TMEM79: variants seen among roughly 807,000 people sequenced by gnomAD.
TMEM79 encodes the protein mattrin.
TMEM79 carries 30 observed loss-of-function variants against 31.2 expected under a neutral mutation model. That is an observed-to-expected ratio of 0.96 (90% CI 0.72 to 1.30). TMEM79 has a LOEUF of 1.30. Among genes scored for constraint, TMEM79 ranks in the 50% most tolerant of loss-of-function variants. The probability of loss-of-function intolerance (pLI) is 0.00; values close to 1 mark genes in which losing one functional copy is unlikely to be tolerated. For missense variants in TMEM79, 509 were observed against 528.2 expected, an observed-to-expected ratio of 0.96 and a Z score of 0.36; for synonymous variants, 213 against 229.5, an observed-to-expected ratio of 0.93 and a Z score of 0.65.
rs147509014 is a variant in TMEM79, at chr1:156,285,606, G to A, written c.380G>A (p.Arg127His). 1.2e-5 allele frequency: 20 copies of A among 1,614,102 alleles called. No homozygotes were observed. The highest frequency in any genetic ancestry group is 3.3e-5 in the Admixed American group (2 of 60,006). ...AACCTGCTGCCTGAGAAAGCGGCCC[G>A]TGCCTTCGTGCCTATTGACCTACAG... ...DANLLPEKAA[R>H]AFVPIDLQCI... Residue 127 changes from arginine (R) to histidine (H), a missense_variant, in exon 2 of 4, where the codon CGT (arginine) becomes CAT (histidine). Transcript: ENST00000405535.
In TMEM79 at chr1:156,286,423, G is replaced by A. The variant is rs762765250; in HGVS notation, c.921G>A (p.Gln307=). ...CCGTGCTTTCCACTTACCTGCCCCA[G>A]GATACCCTCAAACTGCTCCCTCTGC... ...NLAVLSTYLP[Q]DTLKLLPLLT... is the part of the protein sequence containing the mutation. The change falls in exon 3 of 4, where the codon CAG becomes CAA. Residue 307 remains glutamine (Q), a synonymous_variant. Transcript: ENST00000405535. 3 of 1,614,212 alleles carry A rather than the reference G, an allele frequency of 1.9e-6. No individual in the cohort carries two copies. The highest frequency in any genetic ancestry group is 2.5e-6 in the Non-Finnish European group (3 of 1,180,042).
chr1:156,287,606 C>CTTTTTTTTT (rs745468403), intron 3 of TMEM79, among the ~76,000 whole-genome samples: 1 of 72,640 alleles, frequency 1.4e-5, no homozygotes, highest in Non-Finnish European at 2.6e-5. Flanking sequence ...TTACTCTCCA[C>CTTTTTTTTT]TTTTTTTTTT....
intron 2 of TMEM79, 52 bp downstream of exon 2, chr1:156,286,035 G>A: frequency 6.4e-7 from 1 of 1,561,304 alleles, no homozygotes; most frequent in Non-Finnish European, 8.7e-7. Flanking sequence ...GAGGAGGGCA[G>A]GGCCTGGCTG....
intron 3 of TMEM79, among the ~76,000 whole-genome samples, 178 bp downstream of exon 3, chr1:156,286,651 G>A (rs1418951672): frequency 6.6e-6 from 1 of 152,140 alleles, no homozygotes; most frequent in African/African-American, 2.4e-5. Flanking sequence ...GTCAGCAGAT[G>A]GAAGCCGATT....
In TMEM79 at chr1:156,285,394, C is replaced by G; in HGVS notation, c.168C>G (p.Pro56=). The change falls in exon 2 of 4, where the codon CCC becomes CCG. Residue 56 remains proline (P), a synonymous_variant. Coordinates refer to ENST00000405535, the MANE Select transcript of TMEM79 (RefSeq NM_032323.3). ...SLRVGSSAGS[P]TAIEGAEDGL... ...GAGTGGGGTCTTCAGCTGGATCTCC[C>G]ACAGCCATAGAGGGGGCTGAGGATG... The G allele has an allele frequency of 2.5e-6, 4 of 1,592,644 alleles. No individual in the cohort carries two copies. The East Asian group carries it at 9.0e-5, about 36-fold the overall frequency.
In TMEM79 at chr1:156,285,459, G is replaced by A. The variant is rs1325209653; in HGVS notation, c.233G>A (p.Trp78Ter). The change falls in exon 2 of 4, where the codon TGG becomes TAG. Residue 78 changes from tryptophan (W) to a stop codon, truncating the protein, a stop_gained. Transcript: ENST00000405535. LOFTEE classifies it high-confidence loss of function. ...STVSEAATLPWGTGPQPSAPF... is the reference protein window; with the variant it reads ...STVSEAATLP Reference sequence around the variant, plus strand: ...GTAAGTGAGGCTGCCACCTTGCCCTGGGGGACTGGCCCTCAGCCCAGTGCT... The same window carrying A: ...GTAAGTGAGGCTGCCACCTTGCCCTAGGGGACTGGCCCTCAGCCCAGTGCT... 6.2e-7 allele frequency: 1 copy of A among 1,614,016 alleles called. No individual in the cohort carries two copies. The highest frequency in any genetic ancestry group is 2.2e-5 in the East Asian group (1 of 44,890).
Position 156,285,672 on chromosome 1 carries a change from G to T in TMEM79, c.446G>T (p.Cys149Phe), listed in dbSNP as rs1326661720. 2 of 1,613,768 alleles carry T rather than the reference G, an allele frequency of 1.2e-6. No homozygotes were observed. Among genetic ancestry groups the T allele is most frequent in the Non-Finnish European group, 1.7e-6 (2 of 1,179,994 alleles). Reference protein sequence around the residue: ...RQPQEDLIVRCEAGEGECRTF... With the variant: ...RQPQEDLIVRFEAGEGECRTF... ...CCCCAAGAAGACCTTATCGTGCGCT[G>T]TGAGGCAGGCGAGGGCGAGTGCCGA... The change falls in exon 2 of 4, where the codon TGT becomes TTT. Residue 149 changes from cysteine (C) to phenylalanine (F), a missense_variant. Physicochemically the swap from Cys to Phe is radical, Grantham distance 205. Transcript: ENST00000405535.
chr1:156,285,679 A>G lies in TMEM79; in HGVS notation c.453A>G (p.Ala151=), dbSNP rs140445561. The change falls in exon 2 of 4, where the codon GCA becomes GCG. Residue 151 remains alanine, a synonymous_variant. Coordinates refer to ENST00000405535, the MANE Select transcript of TMEM79 (RefSeq NM_032323.3). ...PQEDLIVRCE[A]GEGECRTFMP... ...AAGACCTTATCGTGCGCTGTGAGGC[A>G]GGCGAGGGCGAGTGCCGAACCTTCA... 2.1e-4 allele frequency: 335 copies of G among 1,613,786 alleles called. 2 individuals are homozygous for G. Among genetic ancestry groups the G allele is most frequent in the African/African-American group, 2.0e-3 (148 of 75,060 alleles).
At chr1:156,291,312 C>T in intron 3 of TMEM79, 73 bp from the exon 4 acceptor site, 1 of 1,412,564 alleles carries the variant, frequency 7.1e-7, no homozygotes, top group Non-Finnish European at 9.9e-7. Flanking sequence ...CTACTCCCCC[C>T]ACCGTCAGCC....
chr1:156,290,179 C>T (rs1487152786), intron 3 of TMEM79: 2 of 152,132 alleles, frequency 1.3e-5, no homozygotes, highest in Admixed American at 1.3e-4. Context: ...CAGAGACAGT[C>T]TATATAGTAT....
chr1:156,291,033 A>G, intron 3 of TMEM79: 2 of 250,704 alleles, frequency 8.0e-6, no homozygotes, highest in South Asian at 6.9e-5. Flanking sequence ...CCAGCTACTC[A>G]GGAGTCTGAG....
chr1:156,287,751 G>A (rs1663210372), intron 3 of TMEM79, among the ~76,000 whole-genome samples: 1 of 151,588 alleles, frequency 6.6e-6, no homozygotes. Flanking sequence ...CGCGTAGCTG[G>A]GATTACAGGC....
intron 3 of TMEM79, among the ~76,000 whole-genome samples, chr1:156,289,404 C>T (rs1363285993): frequency 1.3e-5 from 2 of 152,114 alleles, no homozygotes; most frequent in Admixed American, 6.5e-5. Context: ...GTCAGGAGAT[C>T]GAGACCATCC....
chr1:156,286,921 G>A lies in TMEM79; in HGVS notation c.971+448G>A, dbSNP rs569899588. ...GCAGATCACTTGAGGTCAGGAGTTC[G>A]AGACCAGCCTGGCCAATATGGTGAA... On this transcript the variant is annotated intron_variant, in intron 3 of 3. Coordinates refer to ENST00000405535, the MANE Select transcript of TMEM79 (RefSeq NM_032323.3). Among the ~76,000 whole-genome samples the A allele has an allele frequency of 1.1e-4, 17 of 152,172 alleles. No homozygotes were observed. The South Asian group carries it at 3.3e-3, about 30-fold the overall frequency.
At chr1:156,286,041 G>C (rs999417778) in intron 2 of TMEM79, 58 bp downstream of exon 2, 4 of 1,554,914 alleles carry the variant, frequency 2.6e-6, no homozygotes, top group Non-Finnish European at 3.5e-6. Context: ...GGCAGGGCCT[G>C]GCTGGTGTGG....
Position 156,285,194 on chromosome 1 carries a change from C to T in TMEM79, c.-33C>T, listed in dbSNP as rs1663113946. 2 of 1,516,798 alleles carry T rather than the reference C, an allele frequency of 1.3e-6. No homozygotes were observed. Among genetic ancestry groups the T allele is most frequent in the Admixed American group, 2.3e-5 (1 of 43,936 alleles). The allele number at this position is 1,516,798 out of a possible 1,614,324, so 94.0% of individuals were successfully genotyped here. A position where few individuals can be genotyped will look rare whatever the true frequency, so the allele number is the denominator to read the frequency against. ...CTCTGTTCCCTGCAGGATGACATGA[C>T]CTTGTGGTAGATCCCAGAACTGAGG... On this transcript the variant is annotated 5_prime_UTR_variant, in exon 2 of 4. Transcript: ENST00000405535.
chr1:156,286,168 C>T, intron 2 of TMEM79, 92 bp from the exon 3 acceptor site: 1 of 1,401,156 alleles, frequency 7.1e-7, no homozygotes, highest in South Asian at 1.3e-5. Flanking sequence ...AGAGCCCATG[C>T]ACTGCCCACA....
chr1:156,289,082 A>G (rs1383014113), intron 3 of TMEM79, among the ~76,000 whole-genome samples: 1 of 152,188 alleles, frequency 6.6e-6, no homozygotes, highest in African/African-American at 2.4e-5. Flanking sequence ...TTTACCATGG[A>G]CAAGTTCATT....
In TMEM79 at chr1:156,292,378, TGTG is replaced by T. The variant is rs1379691551; in HGVS notation, c.*781_*783del. ...GGTGCGGTGGTTGATGTTAACCTAGTGTGTGTGTGTGTGTGTGTGTGTGTGTGT... is the reference window on the plus strand; with the variant it reads ...GGTGCGGTGGTTGATGTTAACCTAGTTGTGTGTGTGTGTGTGTGTGTGTGT... On this transcript the variant is annotated 3_prime_UTR_variant, in exon 4 of 4. Transcript: ENST00000405535. 2.8e-3 allele frequency: 4 copies of T among 1,408 alleles called. No individual in the cohort carries two copies. The highest frequency in any genetic ancestry group is 4.6e-3 in the Non-Finnish European group (3 of 650). 0.1% of individuals were successfully genotyped at this position (1,408 alleles called of 1,614,324 possible).
Sources: allele counts gnomAD v4.1 joint callset (sites outside exome capture counted in the v4.1 genomes callset), GRCh38; gene constraint gnomAD v4.1.1; transcripts MANE v1.5; gene names NCBI Gene and HGNC (gene_info 2026-07-23, HGNC 2026-07-21).